The following CRACR2A variants were observed in gnomAD, a reference collection of about 807,000 sequenced individuals.
CRACR2A encodes calcium release activated channel regulator 2A.
In CRACR2A, 79 loss-of-function variants were observed where a neutral mutation model predicts 90.5. That is an observed-to-expected ratio of 0.87 (90% CI 0.73 to 1.05). The LOEUF (loss-of-function observed/expected upper bound fraction) is 1.05. CRACR2A is among the 50% of genes least tolerant of loss of function. The probability of loss-of-function intolerance (pLI) is 0.00; values close to 1 mark genes in which losing one functional copy is unlikely to be tolerated. For synonymous variants in CRACR2A, 338 were observed against 356.7 expected (o/e 0.95, Z 0.59); for missense variants, 823 against 897.2 (o/e 0.92, Z 1.06).
At chr12:3,694,429 T>C (rs1470011636) in intron 4 of CRACR2A, among the ~76,000 whole-genome samples, 1 of 152,146 alleles carries the variant, frequency 6.6e-6, no homozygotes, top group Non-Finnish European at 1.5e-5. Context: ...ATGAAAAATG[T>C]GAGTTCTTTC....
rs1398039125 is a variant in CRACR2A, at chr12:3,654,356, G to A, written c.902C>T (p.Thr301Ile). 6.2e-7 allele frequency: 1 copy of A among 1,613,428 alleles called. No individual in the cohort carries two copies. Among genetic ancestry groups the A allele is most frequent in the East Asian group, 2.2e-5 (1 of 44,858 alleles). ...TTTCAGCTTGGTATTCTCAGCCTTG[G>A]TCTCATGCTTGTCATGATGCAGGGC... The part of the protein sequence containing the change: ...CTALHHDKHE[T>I]KAENTKLKLT... Residue 301 changes from threonine to isoleucine, a missense_variant, in exon 10 of 20, where the codon ACC becomes ATC. By Grantham distance (89) the Thr-to-Ile change is moderately conservative (BLOSUM62 -1). Coordinates refer to ENST00000440314, the MANE Select transcript of CRACR2A (RefSeq NM_001144958.2).
chr12:3,737,634 A>G (rs1946466472), intron 1 of CRACR2A, among the ~76,000 whole-genome samples: 1 of 152,120 alleles, frequency 6.6e-6, no homozygotes, highest in Non-Finnish European at 1.5e-5. Flanking sequence ...GGTGCAGGTA[A>G]AGAGATTCTA....
At chr12:3,730,568 G>C (rs1229996704) in intron 2 of CRACR2A, 1 of 152,228 alleles carries the variant, frequency 6.6e-6, no homozygotes, top group Non-Finnish European at 1.5e-5. Flanking sequence ...GTGTTCATCA[G>C]TAGGGGATTG....
At chr12:3,615,998 C>T (rs1867673274) in intron 19 of CRACR2A, among the ~76,000 whole-genome samples, 1 of 152,258 alleles carries the variant, frequency 6.6e-6, no homozygotes, top group South Asian at 2.1e-4. Context: ...TGTCTCTTCT[C>T]TATACTTTCC....
intron 2 of CRACR2A, chr12:3,726,140 A>G (rs996902273): frequency 2.6e-5 from 4 of 152,132 alleles, no homozygotes; most frequent in Non-Finnish European, 5.9e-5. Flanking sequence ...CCTAATTTTA[A>G]TAAAAGGATA....
chr12:3,708,269 C>A (rs1193638215), intron 3 of CRACR2A, among the ~76,000 whole-genome samples: 1 of 152,182 alleles, frequency 6.6e-6, no homozygotes, highest in South Asian at 2.1e-4. Flanking sequence ...CTCCTGCCTC[C>A]AGAGGGGACA....
chr12:3,729,735 GAT>G (rs746371972), intron 2 of CRACR2A: 1 of 152,190 alleles, frequency 6.6e-6, no homozygotes, highest in Non-Finnish European at 1.5e-5. Flanking sequence ...GGAGCAGCAT[GAT>G]AGATTGGCTA....
chr12:3,659,552 G>A lies in CRACR2A; in HGVS notation c.762+12C>T. On this transcript the variant is annotated intron_variant, in intron 8 of 19. Coordinates refer to ENST00000440314, the MANE Select transcript of CRACR2A (RefSeq NM_001144958.2). ...CTGGCCTCAGAGCCAAGCCTGGGGA[G>A]CGTACACTTACCTTCAGGAGAAACT... 8.7e-6 allele frequency: 14 copies of A among 1,613,230 alleles called. No homozygotes were observed. The highest frequency in any genetic ancestry group is 1.1e-5 in the Non-Finnish European group (13 of 1,179,230).
intron 4 of CRACR2A, among the ~76,000 whole-genome samples, chr12:3,682,420 C>T (rs1945472973): frequency 6.6e-6 from 1 of 152,176 alleles, no homozygotes; most frequent in African/African-American, 2.4e-5. Context: ...AGCAGCACTT[C>T]GAACCCCAAA....
chr12:3,631,032 G>A (rs768727410), intron 15 of CRACR2A, among the ~76,000 whole-genome samples: 1 of 152,210 alleles, frequency 6.6e-6, no homozygotes. Flanking sequence ...GCTTTGGCCC[G>A]AGAGGCTGTG....
chr12:3,621,644 C>G (rs1438670867), intron 17 of CRACR2A, among the ~76,000 whole-genome samples: 1 of 20,474 alleles, frequency 4.9e-5, no homozygotes, highest in Non-Finnish European at 6.9e-5. Flanking sequence ...GAGAGAGACT[C>G]TGTCAAAAAA....
Position 3,638,269 on chromosome 12 carries a change from C to T in CRACR2A, c.1457G>A (p.Gly486Asp), listed in dbSNP as rs141323720. ...GCATTTGCTCAGGGGTTGCTCAAAG[C>T]CACCATCCAGGAGCTGGGGCAGGGG... ...EDPLPQLLDGGFEQPLSKCSE... is the reference protein window; with the variant it reads ...EDPLPQLLDGDFEQPLSKCSE... The change falls in exon 14 of 20, where the codon GGC becomes GAC. Residue 486 changes from glycine (G) to aspartate (D), a missense_variant. Transcript: ENST00000440314. 3,628 of 1,551,674 alleles carry T rather than the reference C, an allele frequency of 2.3e-3. 74 individuals are homozygous for T. The African/African-American group carries it at 0.043, about 18-fold the overall frequency.
intron 6 of CRACR2A, 100 bp downstream of exon 6, chr12:3,678,815 A>C (rs1342963399): frequency 3.0e-6 from 4 of 1,339,278 alleles, no homozygotes; most frequent in Non-Finnish European, 4.1e-6. Context: ...CAGTGCAGGG[A>C]CCAGCACCAC....
chr12:3,695,407 G>A (rs1945722069), intron 4 of CRACR2A, among the ~76,000 whole-genome samples: 1 of 152,180 alleles, frequency 6.6e-6, no homozygotes, highest in Admixed American at 6.5e-5. Flanking sequence ...AGAAGGGTAG[G>A]TTGGGCTCAA....
At chr12:3,641,089 T>C (rs1164470159) in intron 13 of CRACR2A, among the ~76,000 whole-genome samples, 1 of 152,196 alleles carries the variant, frequency 6.6e-6, no homozygotes, top group Non-Finnish European at 1.5e-5. Flanking sequence ...CTCACACCTG[T>C]AATCCTAGCA....
At chr12:3,715,321 C>T (rs1946067904) in intron 2 of CRACR2A, among the ~76,000 whole-genome samples, 1 of 152,186 alleles carries the variant, frequency 6.6e-6, no homozygotes, top group Non-Finnish European at 1.5e-5. Context: ...GCCCTTCACT[C>T]AATATCCCAG....
intron 4 of CRACR2A, 119 bp downstream of exon 4, chr12:3,696,653 G>T: frequency 7.0e-7 from 1 of 1,418,702 alleles, no homozygotes; most frequent in South Asian, 1.3e-5. Context: ...TTCCTTCCAA[G>T]ACAGAACTGG....
At chr12:3,659,712 T>G in intron 7 of CRACR2A, 58 bp from the exon 8 acceptor site, 1 of 1,402,150 alleles carries the variant, frequency 7.1e-7, no homozygotes, top group Non-Finnish European at 1.0e-6. Context: ...CAGCGGTAGC[T>G]CCTGGAGCTC....
intron 1 of CRACR2A, among the ~76,000 whole-genome samples, chr12:3,752,335 CGG>C (rs1946719446): frequency 1.9e-5 from 1 of 53,626 alleles, no homozygotes; most frequent in Non-Finnish European, 4.1e-5. Context: ...CGCACACACA[CGG>C]ACACACACAC....
Sources: gnomAD v4.1 joint callset for allele counts (sites outside exome capture counted in the v4.1 genomes callset) on GRCh38, gnomAD v4.1.1 for gene constraint, MANE v1.5 for transcripts, NCBI Gene and HGNC (gene_info 2026-07-23, HGNC 2026-07-21) for gene names.